CREB3L4: variants seen among roughly 807,000 people sequenced by gnomAD.
The protein encoded by CREB3L4 is cyclic AMP-responsive element-binding protein 3-like protein 4.
A neutral mutation model predicts 37.0 loss-of-function variants in CREB3L4; 28 were observed. That is an observed-to-expected ratio of 0.76 (90% CI 0.56 to 1.04). The LOEUF is 1.04. CREB3L4 is among the 50% of genes least tolerant of loss of function. The pLI is 0.00. For missense variants in CREB3L4, 462 were observed against 486.0 expected, an observed-to-expected ratio of 0.95 and a Z score of 0.46; for synonymous variants, 175 against 192.2, an observed-to-expected ratio of 0.91 and a Z score of 0.74.
rs143537771 is a variant in CREB3L4 at position 153,969,416 on chromosome 1, C to T, written c.504C>T (p.Pro168=). ...LPFDAHAHIL[P]RAGTVAPVPC... Reference sequence around the variant, plus strand: ...TTGATGCTCATGCCCACATCCTGCCCAGAGCAGGCACCGTAGCCCCAGTGC... The same window carrying T: ...TTGATGCTCATGCCCACATCCTGCCTAGAGCAGGCACCGTAGCCCCAGTGC... Residue 168 remains proline (P), a synonymous_variant, in exon 4 of 10, where the codon CCC becomes CCT. Transcript: ENST00000368607. The T allele has an allele frequency of 5.4e-4, 878 of 1,614,136 alleles. 5 individuals carry two copies. In the East Asian group the frequency reaches 0.018, roughly 34 times the overall value.
upstream of CREB3L4, chr1:153,967,699 G>C (rs532121100): frequency 6.6e-6 from 1 of 152,200 alleles, no homozygotes; most frequent in African/African-American, 2.4e-5. Context: ...CGGCCCCATT[G>C]GCCTGACTCT....
chr1:153,971,417 C>G (rs1400219705), intron 4 of CREB3L4, among the ~76,000 whole-genome samples: 1 of 151,580 alleles, frequency 6.6e-6, no homozygotes, highest in Non-Finnish European at 1.5e-5. Flanking sequence ...TTAGAAGCAC[C>G]ATGGTGTTTG....
intron 7 of CREB3L4, 58 bp from the exon 8 acceptor site, chr1:153,973,322 T>G: frequency 1.9e-6 from 3 of 1,608,946 alleles, no homozygotes; most frequent in Non-Finnish European, 2.6e-6. Context: ...CACACAGGGG[T>G]GCCATTCTTG....
chr1:153,971,524 C>T (rs976808709), intron 4 of CREB3L4, among the ~76,000 whole-genome samples: 2 of 151,854 alleles, frequency 1.3e-5, no homozygotes, highest in Non-Finnish European at 2.9e-5. Context: ...CTGTCTTGAC[C>T]TCCCAAAGTG....
At position 153,969,089 on chromosome 1, in the gene CREB3L4, C is replaced by T. The variant is rs201475812; in HGVS notation, c.334C>T (p.Leu112Phe). 115 of 1,614,092 alleles carry T rather than the reference C, an allele frequency of 7.1e-5. No individual in the cohort carries two copies. Among genetic ancestry groups the T allele is most frequent in the Non-Finnish European group, 9.2e-5 (108 of 1,180,042 alleles). ...PAPRATSSPMLYEVVYEAGAL... is the reference protein window; with the variant it reads ...PAPRATSSPMFYEVVYEAGAL... The stretch of plus-strand genomic sequence containing the variant: ...CCCCAGGGCAACCAGTTCTCCTATG[C>T]TCTATGAGGTTGTCTATGAGGCAGG... Residue 112 changes from leucine to phenylalanine, a missense_variant, in exon 3 of 10, where the codon CTC (leucine) becomes TTC (phenylalanine). Leu to Phe is a conservative substitution (Grantham distance 22). Transcript: ENST00000368607.
In CREB3L4 at chr1:153,972,738, C is replaced by A. The variant is rs1284827797; in HGVS notation, c.544-6C>A. On this transcript the variant is annotated splice_region_variant and splice_polypyrimidine_tract_variant and intron_variant, in intron 4 of 9. Coordinates refer to ENST00000368607, the MANE Select transcript of CREB3L4 (RefSeq NM_001255978.2). The stretch of plus-strand genomic sequence containing the variant: ...CTATTGCATCTTCTCCTGCCCCTAC[C>A]CCCAGCTGCCCTGTCAAACCCTGTT... 3 of 1,612,508 alleles carry A rather than the reference C, an allele frequency of 1.9e-6. No homozygotes were observed. Among genetic ancestry groups the A allele is most frequent in the Non-Finnish European group, 2.5e-6 (3 of 1,179,284 alleles).
chr1:153,972,454 G>C (rs1336948523), intron 4 of CREB3L4, among the ~76,000 whole-genome samples: 1 of 152,212 alleles, frequency 6.6e-6, no homozygotes, highest in South Asian at 2.1e-4. Flanking sequence ...GGGAGACATG[G>C]ACCAGAATAA....
chr1:153,968,458 T>G, intron 1 of CREB3L4, 64 bp from the exon 2 acceptor site: 1 of 1,476,696 alleles, frequency 6.8e-7, no homozygotes, highest in African/African-American at 1.4e-5. Context: ...CCAGAAACTG[T>G]AGGGGGTAGT....
Position 153,969,124 on chromosome 1 carries a change from G to A in CREB3L4, c.369G>A (p.Glu123=), listed in dbSNP as rs758061438. 1.2e-6 allele frequency: 2 copies of A among 1,614,226 alleles called. No homozygotes were observed. Among genetic ancestry groups the A allele is most frequent in the South Asian group, 2.2e-5 (2 of 91,090 alleles). Residue 123 remains glutamate, a synonymous_variant, in exon 3 of 10, where the codon GAG becomes GAA. Coordinates refer to ENST00000368607, the MANE Select transcript of CREB3L4 (RefSeq NM_001255978.2). Reference sequence around the variant, plus strand: ...TTGTCTATGAGGCAGGGGCCCTGGAGAGGATGCAGGGGGAAACTGGGCCAA... The same window carrying A: ...TTGTCTATGAGGCAGGGGCCCTGGAAAGGATGCAGGGGGAAACTGGGCCAA... ...YEVVYEAGAL[E]RMQGETGPNV... is the part of the protein sequence containing the mutation.
At chr1:153,971,758 A>G (rs1220239371) in intron 4 of CREB3L4, among the ~76,000 whole-genome samples, 1 of 152,112 alleles carries the variant, frequency 6.6e-6, no homozygotes, top group Non-Finnish European at 1.5e-5. Context: ...GGTTTTGCCA[A>G]AAGCCAAAAA....
chr1:153,971,099 G>A lies in CREB3L4; in HGVS notation c.543+1644G>A, dbSNP rs536875127. ...TAAAAGTCTGATGCCGGCCGGGCGC[G>A]GTGCTCATGCCTGTAATCCCAGCAC... On this transcript the variant is annotated intron_variant, in intron 4 of 9. Coordinates refer to ENST00000368607, the MANE Select transcript of CREB3L4 (RefSeq NM_001255978.2). 0.026 allele frequency among the ~76,000 whole-genome samples: 7 copies of A among 268 alleles called. No individual in the cohort carries two copies. In the South Asian group the frequency reaches 0.35, roughly 13 times the overall value. The allele number at this position is 268 out of a possible 152,430, so 0.2% of individuals were successfully genotyped here. A position where few individuals can be genotyped will look rare whatever the true frequency, so the allele number is the denominator to read the frequency against.
chr1:153,969,890 A>G (rs576322781), intron 4 of CREB3L4: 1 of 170,526 alleles, frequency 5.9e-6, no homozygotes, highest in South Asian at 1.3e-4. Context: ...TGGTGGGATT[A>G]CAGGCATGAG....
intron 4 of CREB3L4, among the ~76,000 whole-genome samples, chr1:153,970,773 T>A (rs1648292068): frequency 8.0e-6 from 1 of 124,948 alleles, no homozygotes; most frequent in Non-Finnish European, 1.6e-5. Context: ...TTAGACAGAG[T>A]CTCGCTCTGT....
intron 1 of CREB3L4, 21 bp from the exon 2 acceptor site, chr1:153,968,501 G>T: frequency 1.9e-6 from 3 of 1,607,386 alleles, no homozygotes; most frequent in Non-Finnish European, 1.7e-6. Context: ...GCAACCCTCC[G>T]TCCCACACGC....
Position 153,968,609 on chromosome 1 carries a change from G to A in CREB3L4, c.84G>A (p.Leu28=). Residue 28 remains leucine (L), a synonymous_variant, in exon 2 of 10, where the codon CTG becomes CTA. Transcript: ENST00000368607. ...DIFSTGSVLE[L]GLHCPPPEVP... ...TCTCGACAGGATCCGTCCTGGAGCT[G>A]GGACTCCACTGCCCCCCTCCAGAGG... The A allele has an allele frequency of 9.3e-6, 15 of 1,614,074 alleles. No homozygotes were observed. Among genetic ancestry groups the A allele is most frequent in the Non-Finnish European group, 1.3e-5 (15 of 1,179,998 alleles).
At chr1:153,971,795 A>C (rs569460849) in intron 4 of CREB3L4, among the ~76,000 whole-genome samples, 2 of 151,912 alleles carry the variant, frequency 1.3e-5, no homozygotes, top group Non-Finnish European at 2.9e-5. Context: ...ACCAAAGTAA[A>C]TTCTCTGTAA....
Position 153,968,509 on chromosome 1 carries a change from C to T in CREB3L4, c.-4-13C>T, listed in dbSNP as rs773628879. The T allele has an allele frequency of 3.7e-6, 6 of 1,609,514 alleles. No homozygotes were observed. The South Asian group carries it at 6.6e-5, about 18-fold the overall frequency. On this transcript the variant is annotated splice_polypyrimidine_tract_variant and intron_variant, in intron 1 of 9. Transcript: ENST00000368607. ...CGTTTCTGCAACCCTCCGTCCCACA[C>T]GCCTTCCTGCAGAAGCATGGATCTC...
intron 2 of CREB3L4, 38 bp downstream of exon 2, chr1:153,968,737 C>CACA: frequency 6.2e-7 from 1 of 1,611,260 alleles, no homozygotes; most frequent in Non-Finnish European, 8.5e-7. Flanking sequence ...GGGGTTGAGA[C>CACA]ACAACTCTGT....
At chr1:153,970,718 C>G (rs1290079733) in intron 4 of CREB3L4, among the ~76,000 whole-genome samples, 1 of 149,046 alleles carries the variant, frequency 6.7e-6, no homozygotes, top group Non-Finnish European at 1.5e-5. Context: ...GGACCAGAAG[C>G]CAAGCTAAGC....
Sources: gnomAD v4.1 joint callset for allele counts (sites outside exome capture counted in the v4.1 genomes callset) on GRCh38, gnomAD v4.1.1 for gene constraint, MANE v1.5 for transcripts, NCBI Gene and HGNC (gene_info 2026-07-23, HGNC 2026-07-21) for gene names.